Variants in N4BP2L2 observed in about 807,000 individuals in gnomAD.
N4BP2L2 encodes NEDD4 binding protein 2 like 2.
A neutral mutation model predicts 56.2 loss-of-function variants in N4BP2L2; 50 were observed. The observed-to-expected ratio is 0.89, with a 90% CI of 0.71 to 1.13. The LOEUF (loss-of-function observed/expected upper bound fraction) is 1.13. N4BP2L2 is among the 50% of genes most tolerant of loss of function. The pLI, the probability that N4BP2L2 is intolerant of heterozygous loss-of-function variation, is 0.00. For synonymous variants in N4BP2L2, 203 were observed against 223.6 expected, an observed-to-expected ratio of 0.91 and a Z score of 0.82; for missense variants, 689 against 693.8, an observed-to-expected ratio of 0.99 and a Z score of 0.08.
chr13:32,488,320 T>C (rs1329897163), intron 6 of N4BP2L2, among the ~76,000 whole-genome samples: 1 of 152,128 alleles, frequency 6.6e-6, no homozygotes, highest in Admixed American at 6.6e-5. Context: ...GAAAACCAAA[T>C]ACTGCATGTT....
At position 32,517,411 on chromosome 13, in the gene N4BP2L2, G is replaced by A. The variant is rs79844591; in HGVS notation, c.*391C>T. 10,060 of 997,864 alleles carry A rather than the reference G, an allele frequency of 0.01. 729 individuals are homozygous for A. In the African/African-American group the frequency reaches 0.16, roughly 16 times the overall value. 61.8% of individuals were successfully genotyped at this position (997,864 alleles called of 1,614,324 possible). ...AAGTCAGTATTTCTTGCATATTTAA[G>A]GTAGTGAAGGAAAAACCGTAAAGTT... On this transcript the variant is annotated 3_prime_UTR_variant, in exon 6 of 6. Transcript: ENST00000267068.
rs566784302 is a variant in N4BP2L2 at position 32,465,953 on chromosome 13, A to C, written c.366-21827T>G. ...AGGCGTGAGCCACCACGCCTGGCCT[A>C]GTTTTGTTTATTAACTGCTAGGTAT... On this transcript the variant is annotated intron_variant, in intron 6 of 9. Coordinates refer to the N4BP2L2 transcript ENST00000357505. Among the ~76,000 whole-genome samples, 77 of 152,252 alleles carry C rather than the reference A, an allele frequency of 5.1e-4. 1 individual carries two copies. The highest frequency in any genetic ancestry group is 9.9e-4 in the Non-Finnish European group (67 of 68,016).
chr13:32,482,888 A>G (rs1050119670), intron 6 of N4BP2L2, among the ~76,000 whole-genome samples: 1 of 152,210 alleles, frequency 6.6e-6, no homozygotes, highest in Non-Finnish European at 1.5e-5. Flanking sequence ...TGACAATATT[A>G]CCTTTTGCAT....
At chr13:32,472,347 G>A (rs1489650071) in intron 6 of N4BP2L2, among the ~76,000 whole-genome samples, 2 of 152,164 alleles carry the variant, frequency 1.3e-5, no homozygotes, top group Non-Finnish European at 1.5e-5. Context: ...CCACTTTCTG[G>A]TTCTTACTTA....
chr13:32,532,608 T>A (rs1357235054), intron 2 of N4BP2L2, among the ~76,000 whole-genome samples: 10 of 147,264 alleles, frequency 6.8e-5, no homozygotes, highest in Non-Finnish European at 1.5e-4. Flanking sequence ...TTTTTTTTTT[T>A]AAGACAGAGT....
exon 6 of N4BP2L2, chr13:32,516,107 T>TCTAC (rs1328408073): frequency 6.6e-6 from 1 of 152,218 alleles, no homozygotes; most frequent in Non-Finnish European, 1.5e-5. Flanking sequence ...GGACATATAG[T>TCTAC]CTACCTAAGA....
intron 9 of N4BP2L2, among the ~76,000 whole-genome samples, chr13:32,435,137 T>C (rs666483): frequency 0.34 from 52,030 of 152,058 alleles, 11,450 homozygotes; most frequent in African/African-American, 0.62. Context: ...CATGCTATGG[T>C]GTTAAATCAA....
At chr13:32,472,330 G>A (rs536619086) in intron 6 of N4BP2L2, among the ~76,000 whole-genome samples, 1 of 152,198 alleles carries the variant, frequency 6.6e-6, no homozygotes, top group Non-Finnish European at 1.5e-5. Context: ...TCAATACTAA[G>A]AAGATTCCAC....
At chr13:32,494,274 C>T (rs1174074244) in intron 6 of N4BP2L2, among the ~76,000 whole-genome samples, 1 of 151,776 alleles carries the variant, frequency 6.6e-6, no homozygotes, top group Non-Finnish European at 1.5e-5. Context: ...CAGAGTGAGA[C>T]TCGGTCTAAA....
intron 6 of N4BP2L2, among the ~76,000 whole-genome samples, chr13:32,494,773 G>A (rs1166150352): frequency 6.6e-6 from 1 of 151,994 alleles, no homozygotes; most frequent in Non-Finnish European, 1.5e-5. Flanking sequence ...CTCTAAAGTC[G>A]TTGGCTTGAA....
intron 6 of N4BP2L2, among the ~76,000 whole-genome samples, chr13:32,470,490 C>T (rs916867260): frequency 3.9e-4 from 60 of 152,118 alleles, no homozygotes; most frequent in African/African-American, 1.4e-3. Context: ...GTGCATGTGA[C>T]CACAGATAGC....
chr13:32,461,467 G>T (rs564388484), intron 6 of N4BP2L2, among the ~76,000 whole-genome samples: 1 of 152,190 alleles, frequency 6.6e-6, no homozygotes, highest in Admixed American at 6.5e-5. Flanking sequence ...AGTGGGCAAA[G>T]GATCTAAATA....
At chr13:32,456,564 T>A (rs1415557172) in intron 6 of N4BP2L2, among the ~76,000 whole-genome samples, 1 of 151,996 alleles carries the variant, frequency 6.6e-6, no homozygotes, top group Non-Finnish European at 1.5e-5. Flanking sequence ...GAAAAAGAAC[T>A]CAAAATAATG....
chr13:32,445,830 T>C (rs978063098), intron 6 of N4BP2L2, among the ~76,000 whole-genome samples: 2 of 152,206 alleles, frequency 1.3e-5, no homozygotes, highest in Admixed American at 6.5e-5. Context: ...CGGAAGACAA[T>C]ATTTGATCCT....
downstream of N4BP2L2, chr13:32,506,113 A>T (rs1236354395): frequency 1.3e-5 from 2 of 152,200 alleles, no homozygotes; most frequent in Non-Finnish European, 2.9e-5. Context: ...GTCCAAGATC[A>T]AGGTGTCAGC....
At chr13:32,465,254 T>G (rs937866391) in intron 6 of N4BP2L2, among the ~76,000 whole-genome samples, 5 of 152,064 alleles carry the variant, frequency 3.3e-5, no homozygotes, top group African/African-American at 9.7e-5. Context: ...TGTGAGGCAC[T>G]GTGCCCAGCC....
At chr13:32,493,408 T>C (rs1030939363) in intron 6 of N4BP2L2, among the ~76,000 whole-genome samples, 2 of 152,180 alleles carry the variant, frequency 1.3e-5, no homozygotes, top group African/African-American at 4.8e-5. Context: ...CAACAAAACC[T>C]ATTTACAGTA....
intron 6 of N4BP2L2, among the ~76,000 whole-genome samples, chr13:32,464,727 TGACAA>T (rs1382646377): frequency 6.6e-6 from 1 of 152,004 alleles, no homozygotes; most frequent in Non-Finnish European, 1.5e-5. Context: ...GACTACTGAC[TGACAA>T]AAGTACATCA....
At chr13:32,465,016 G>A (rs1419549626) in intron 6 of N4BP2L2, among the ~76,000 whole-genome samples, 1 of 151,960 alleles carries the variant, frequency 6.6e-6, no homozygotes, top group Non-Finnish European at 1.5e-5. Context: ...ACCGAGGATG[G>A]AGTGCAGGGG....
Sources: allele counts gnomAD v4.1 joint callset (sites outside exome capture counted in the v4.1 genomes callset), GRCh38; gene constraint gnomAD v4.1.1; transcripts MANE v1.5; gene names NCBI Gene and HGNC (gene_info 2026-07-23, HGNC 2026-07-21).